ACOXL: variants seen among roughly 807,000 people sequenced by gnomAD.
ACOXL encodes acyl-CoA oxidase like.
Under a neutral mutation model 71.9 loss-of-function variants are expected in ACOXL, and 70 were observed. The ratio of observed to expected loss-of-function variants is 0.97; its 90% CI spans 0.80 to 1.19. The LOEUF (loss-of-function observed/expected upper bound fraction) is 1.19, where lower values mean the gene tolerates loss of function less well. Ranked by LOEUF, ACOXL falls within the 50% of genes most tolerant of loss-of-function variation. ACOXL has a pLI of 0.00. For synonymous variants in ACOXL, 253 were observed against 281.6 expected (o/e 0.90, Z 1.02); for missense variants, 703 against 736.3 (o/e 0.95, Z 0.52).
At chr2:111,034,803 G>A (rs1398519628) in intron 15 of ACOXL, among the ~76,000 whole-genome samples, 2 of 152,214 alleles carry the variant, frequency 1.3e-5, no homozygotes, top group African/African-American at 4.8e-5. Context: ...CAGGGGATGG[G>A]AGAAGAAGTA....
intron 14 of ACOXL, among the ~76,000 whole-genome samples, chr2:111,018,889 C>T (rs2149699210): frequency 1.3e-5 from 2 of 152,264 alleles, no homozygotes. Flanking sequence ...GCCCCAAACC[C>T]CTCATGGGGT....
In ACOXL at chr2:110,809,435, A is replaced by T. The variant is rs80017449; in HGVS notation, c.753+4040A>T. ...GCACGTGGGTGCTGGGCGGCAGACA[A>T]CTCAGCCAGTCCTGAGAGCCTGAAC... On this transcript the variant is annotated intron_variant, in intron 9 of 17. Transcript: ENST00000439055. 6.4e-4 allele frequency among the ~76,000 whole-genome samples: 97 copies of T among 152,278 alleles called. 4 individuals carry two copies. In the East Asian group the frequency reaches 0.017, roughly 26 times the overall value.
intron 10 of ACOXL, among the ~76,000 whole-genome samples, chr2:110,878,341 A>G (rs982907665): frequency 1.3e-5 from 2 of 152,270 alleles, no homozygotes; most frequent in Non-Finnish European, 1.5e-5. Context: ...TTAGTAAGTG[A>G]GAAGCTCTAT....
At chr2:110,782,576 A>C (rs1252420957) in intron 2 of ACOXL, among the ~76,000 whole-genome samples, 1 of 152,222 alleles carries the variant, frequency 6.6e-6, no homozygotes, top group Non-Finnish European at 1.5e-5. Flanking sequence ...TCTCCTGCAG[A>C]GACAAGGGAA....
intron 1 of ACOXL, 33 bp from the exon 2 acceptor site, chr2:110,768,335 T>C: frequency 2.5e-6 from 4 of 1,580,608 alleles, no homozygotes; most frequent in Non-Finnish European, 3.5e-6. Flanking sequence ...TCACCAATTA[T>C]TGGCTGTCTT....
chr2:110,850,541 C>G (rs1462290357), intron 10 of ACOXL, among the ~76,000 whole-genome samples: 1 of 152,102 alleles, frequency 6.6e-6, no homozygotes, highest in East Asian at 1.9e-4. Context: ...TAAGGAAATG[C>G]AAATTAAGGT....
chr2:110,983,797 A>AT (rs1461725798), intron 12 of ACOXL, among the ~76,000 whole-genome samples: 1 of 152,146 alleles, frequency 6.6e-6, no homozygotes, highest in Non-Finnish European at 1.5e-5. Context: ...ATGAATAAAA[A>AT]TTTTTTTGAA....
chr2:111,062,653 G>A (rs999565603), intron 16 of ACOXL, among the ~76,000 whole-genome samples: 1 of 152,060 alleles, frequency 6.6e-6, no homozygotes, highest in East Asian at 1.9e-4. Context: ...CGTCAAATTG[G>A]TGGAACATAG....
At chr2:110,871,099 G>A (rs968095585) in intron 10 of ACOXL, among the ~76,000 whole-genome samples, 2 of 152,138 alleles carry the variant, frequency 1.3e-5, no homozygotes, top group Admixed American at 6.6e-5. Flanking sequence ...GGAGAATGTG[G>A]TACCAAGCAG....
intron 15 of ACOXL, among the ~76,000 whole-genome samples, chr2:111,044,454 C>A (rs370025013): frequency 2.6e-5 from 4 of 152,226 alleles, no homozygotes; most frequent in African/African-American, 9.6e-5. Flanking sequence ...AAAGCTTAGC[C>A]GCAGGGGCAG....
chr2:110,995,908 C>T lies in ACOXL; in HGVS notation c.1185C>T (p.Asn395=). 6.2e-7 allele frequency: 1 copy of T among 1,613,896 alleles called. No individual in the cohort carries two copies. Among genetic ancestry groups the T allele is most frequent in the East Asian group, 2.2e-5 (1 of 44,876 alleles). ...DKLRTSFLAF[N]MDTVDDLAFL... ...TTTCTTTCAGTTTCCTGGCATTTAACATGGACACAGTTGATGATCTCGCCT... is the reference window on the plus strand; with the variant it reads ...TTTCTTTCAGTTTCCTGGCATTTAATATGGACACAGTTGATGATCTCGCCT... Residue 395 remains asparagine, a synonymous_variant, in exon 14 of 18, where the codon AAC becomes AAT. Transcript: ENST00000439055.
intron 11 of ACOXL, among the ~76,000 whole-genome samples, chr2:110,916,600 A>T (rs1016815785): frequency 6.6e-6 from 1 of 152,202 alleles, no homozygotes; most frequent in East Asian, 1.9e-4. Context: ...AAAAGCCTTT[A>T]AAAAATCAGT....
chr2:110,934,302 G>A (rs2060585351), intron 12 of ACOXL, among the ~76,000 whole-genome samples: 1 of 152,176 alleles, frequency 6.6e-6, no homozygotes, highest in Admixed American at 6.5e-5. Context: ...GCATGAGGCT[G>A]TGGACCTGTG....
intron 11 of ACOXL, among the ~76,000 whole-genome samples, chr2:110,925,800 C>T (rs79823321): frequency 0.012 from 1,808 of 150,190 alleles, 15 homozygotes; most frequent in Middle Eastern, 0.052. Flanking sequence ...GGCCTAACTT[C>T]AGCCTTTCTC....
At chr2:110,794,020 C>A in intron 4 of ACOXL, 56 bp from the exon 5 acceptor site, 1 of 1,552,338 alleles carries the variant, frequency 6.4e-7, no homozygotes, top group Non-Finnish European at 8.9e-7. Flanking sequence ...GAGGGGTCTG[C>A]ATTTGGAGCA....
At chr2:110,747,640 C>T (rs1678391796) in intron 1 of ACOXL, among the ~76,000 whole-genome samples, 2 of 152,324 alleles carry the variant, frequency 1.3e-5, no homozygotes, top group Non-Finnish European at 1.5e-5. Context: ...ATCAGACGTG[C>T]CCTGGGGCTG....
chr2:111,061,443 GTCAAGCTA>G (rs200950443), intron 16 of ACOXL, among the ~76,000 whole-genome samples: 1,570 of 152,194 alleles, frequency 0.01, 28 homozygotes, highest in African/African-American at 0.036. Flanking sequence ...TTAGGAGGAA[GTCAAGCTA>G]TCCTCAGATT....
intron 3 of ACOXL, 31 bp from the exon 4 acceptor site, chr2:110,793,619 T>C: frequency 6.3e-7 from 1 of 1,585,714 alleles, no homozygotes; most frequent in Non-Finnish European, 8.7e-7. Context: ...TGACTGTTGC[T>C]AATGATGGTT....
At chr2:110,842,144 C>G (rs929383860) in intron 10 of ACOXL, among the ~76,000 whole-genome samples, 1 of 152,114 alleles carries the variant, frequency 6.6e-6, no homozygotes, top group Non-Finnish European at 1.5e-5. Flanking sequence ...AAGTTTGCCT[C>G]CTAAAAATGC....
Sources: allele counts gnomAD v4.1 joint callset (sites outside exome capture counted in the v4.1 genomes callset), GRCh38; gene constraint gnomAD v4.1.1; transcripts MANE v1.5; gene names NCBI Gene and HGNC (gene_info 2026-07-23, HGNC 2026-07-21).